The following DRICH1 variants were observed in gnomAD, a reference collection of about 807,000 sequenced individuals.
The protein encoded by DRICH1 is aspartate rich 1, also known as aspartate-rich protein 1.
DRICH1 carries 38 observed loss-of-function variants against 39.5 expected under a neutral mutation model. That is an observed-to-expected ratio of 0.96 (90% CI 0.74 to 1.26). DRICH1 has a LOEUF of 1.26. Among genes scored for constraint, DRICH1 ranks in the 50% most tolerant of loss-of-function variants. The pLI, the probability that DRICH1 is intolerant of heterozygous loss-of-function variation, is 0.00. For missense variants in DRICH1, 279 were observed against 270.4 expected (o/e 1.03, Z -0.22); for synonymous variants, 84 against 99.5 (o/e 0.84, Z 0.93).
chr22:23,618,756 A>G (rs1193473390), intron 6 of DRICH1, among the ~76,000 whole-genome samples: 1 of 152,230 alleles, frequency 6.6e-6, no homozygotes. Flanking sequence ...ATGTATATCA[A>G]TAGAAATGAA....
the DRICH1 span, among the ~76,000 whole-genome samples, chr22:23,585,097 T>C: frequency 5.9e-5 from 9 of 152,260 alleles, no homozygotes; most frequent in South Asian, 2.1e-4. Flanking sequence ...TTCTTTTTTT[T>C]CCTCTCTCTC....
At chr22:23,599,825 G>GT in the DRICH1 span, among the ~76,000 whole-genome samples, 1 of 152,138 alleles carries the variant, frequency 6.6e-6, no homozygotes, top group Non-Finnish European at 1.5e-5. Flanking sequence ...GGTCTCATCT[G>GT]CAGCCTGAGC....
At chr22:23,606,125 G>A (rs761951021), downstream of DRICH1, among the ~76,000 whole-genome samples, 3 of 151,948 alleles carry the variant, frequency 2.0e-5, no homozygotes, top group Non-Finnish European at 4.4e-5. Context: ...GTTCATGATG[G>A]ACAAAATAGT....
At chr22:23,587,120 T>C in the DRICH1 span, among the ~76,000 whole-genome samples, 1 of 152,196 alleles carries the variant, frequency 6.6e-6, no homozygotes, top group African/African-American at 2.4e-5. Flanking sequence ...TTTAGTCGCA[T>C]CTCTATGATG....
intron 1 of DRICH1, among the ~76,000 whole-genome samples, chr22:23,628,186 G>A (rs1229536272): frequency 6.6e-6 from 1 of 152,258 alleles, no homozygotes; most frequent in Non-Finnish European, 1.5e-5. Flanking sequence ...AGCTCATGGT[G>A]CACTGGAACT....
At chr22:23,616,741 T>C in intron 8 of DRICH1, 112 bp downstream of exon 8, 2 of 1,395,180 alleles carry the variant, frequency 1.4e-6, no homozygotes, top group Non-Finnish European at 2.0e-6. Context: ...TGCAGAATCA[T>C]TTGCTCTCAC....
At chr22:23,620,187 C>T (rs2123780728) in intron 5 of DRICH1, among the ~76,000 whole-genome samples, 2 of 152,098 alleles carry the variant, frequency 1.3e-5, no homozygotes, top group Admixed American at 1.3e-4. Context: ...TCTCTTTTTA[C>T]ACCCTCCCTC....
the DRICH1 span, among the ~76,000 whole-genome samples, chr22:23,593,391 C>T: frequency 6.6e-6 from 1 of 152,098 alleles, no homozygotes; most frequent in African/African-American, 2.4e-5. Context: ...AGGCCGGGTG[C>T]GGTGGCTCAT....
At chr22:23,611,865 C>T (rs1017044172) in intron 11 of DRICH1, among the ~76,000 whole-genome samples, 1 of 152,112 alleles carries the variant, frequency 6.6e-6, no homozygotes, top group Non-Finnish European at 1.5e-5. Context: ...AGTAAAACAA[C>T]ACTTCTTTTT....
chr22:23,625,858 TA>T, intron 2 of DRICH1, 122 bp downstream of exon 2: 1 of 758,662 alleles, frequency 1.3e-6, no homozygotes, highest in South Asian at 1.7e-5. Context: ...AGACCATCAT[TA>T]AAAGTCTTAC....
the DRICH1 span, among the ~76,000 whole-genome samples, chr22:23,590,845 C>T: frequency 6.6e-6 from 1 of 151,942 alleles, no homozygotes; most frequent in Non-Finnish European, 1.5e-5. Context: ...TCTTGAACTC[C>T]TGACCTAAAG....
In DRICH1 at chr22:23,617,639, A is replaced by G. The variant is rs780653806; in HGVS notation, c.455T>C (p.Leu152Pro). Reference protein sequence around the residue: ...DSSSCSSEDNLSLVCLPRSED... With the variant: ...DSSSCSSEDNPSLVCLPRSED... ...ACTTCGTGGTAGGCATACTAAACTC[A>G]GGTTGTCCTCAGAAGAACCTGGAAG... Residue 152 changes from leucine to proline, a missense_variant, in exon 7 of 12, where the codon CTG becomes CCG. Leu to Pro is a moderately conservative substitution (Grantham distance 98). Transcript: ENST00000317749. 5 of 1,613,970 alleles carry G rather than the reference A, an allele frequency of 3.1e-6. No homozygotes were observed. In the South Asian group the frequency reaches 4.4e-5, roughly 14 times the overall value.
intron 1 of DRICH1, among the ~76,000 whole-genome samples, chr22:23,627,299 C>T (rs1036403399): frequency 1.1e-4 from 17 of 152,102 alleles, no homozygotes; most frequent in African/African-American, 4.1e-4. Context: ...TCTCGAACTC[C>T]TGACCTCAGA....
intron 6 of DRICH1, among the ~76,000 whole-genome samples, chr22:23,618,303 T>C (rs535010349): frequency 1.1e-4 from 16 of 151,676 alleles, no homozygotes; most frequent in African/African-American, 3.4e-4. Flanking sequence ...TTTAGTGGAG[T>C]TGGAGTTTCA....
chr22:23,586,809 T>C, the DRICH1 span, among the ~76,000 whole-genome samples: 3 of 152,212 alleles, frequency 2.0e-5, no homozygotes, highest in Admixed American at 1.3e-4. Flanking sequence ...CCTCCCAAAG[T>C]GCTGGGATTA....
At chr22:23,616,775 G>A in intron 8 of DRICH1, 78 bp downstream of exon 8, 1 of 1,569,790 alleles carries the variant, frequency 6.4e-7, no homozygotes, top group Non-Finnish European at 8.8e-7. Flanking sequence ...TTTTTTAACA[G>A]GAACCCAGAT....
the DRICH1 span, among the ~76,000 whole-genome samples, chr22:23,593,590 A>G: frequency 0.028 from 4,330 of 152,316 alleles, 79 homozygotes; most frequent in Middle Eastern, 0.078. Context: ...CACAAGGTCA[A>G]GAGATCGAGA....
At chr22:23,588,276 A>G in the DRICH1 span, among the ~76,000 whole-genome samples, 1 of 152,052 alleles carries the variant, frequency 6.6e-6, no homozygotes, top group East Asian at 1.9e-4. Context: ...ACAGGTACCC[A>G]TGGCCACACC....
At position 23,608,654 on chromosome 22, in the gene DRICH1, TC is replaced by T. The variant is rs1926865287; in HGVS notation, c.*109del. 15 of 1,112,198 alleles carry T rather than the reference TC, an allele frequency of 1.3e-5. No individual in the cohort carries two copies. The South Asian group carries it at 2.0e-4, about 15-fold the overall frequency. The allele number at this position is 1,112,198 out of a possible 1,614,324, so 68.9% of individuals were successfully genotyped here. On this transcript the variant is annotated 3_prime_UTR_variant, in exon 12 of 12. Coordinates refer to ENST00000317749, the MANE Select transcript of DRICH1 (RefSeq NM_016449.4). ...TTCTCTCTGCTGGGACCAAGAGTTTTCCTCAGAATGTAGAGAGGATTGAGAC... is the reference window on the plus strand; with the variant it reads ...TTCTCTCTGCTGGGACCAAGAGTTTTCTCAGAATGTAGAGAGGATTGAGAC...
Sources: gnomAD v4.1 joint callset for allele counts (sites outside exome capture counted in the v4.1 genomes callset) on GRCh38, gnomAD v4.1.1 for gene constraint, MANE v1.5 for transcripts, NCBI Gene and HGNC (gene_info 2026-07-23, HGNC 2026-07-21) for gene names.